The following TEFM variants were observed in gnomAD, a reference collection of about 807,000 sequenced individuals.
TEFM encodes transcription elongation factor, mitochondrial, also known as transcription elongation factor of mitochondria.
TEFM carries 14 observed loss-of-function variants against 23.0 expected under a neutral mutation model. The ratio of observed to expected loss-of-function variants is 0.61; its 90% CI spans 0.40 to 0.95. The LOEUF (loss-of-function observed/expected upper bound fraction) is 0.95. TEFM is among the 40% of genes least tolerant of loss of function. The pLI, the probability that TEFM is intolerant of heterozygous loss-of-function variation, is 0.00. For missense variants in TEFM, 386 were observed against 425.5 expected (o/e 0.91, Z 0.82); for synonymous variants, 155 against 158.3 (o/e 0.98, Z 0.16).
At position 30,901,522 on chromosome 17, in the gene TEFM, C is replaced by T. The variant is rs73265618; in HGVS notation, c.496-960G>A. Among the ~76,000 whole-genome samples the T allele has an allele frequency of 6.5e-3, 982 of 152,214 alleles. 11 individuals carry two copies. Among genetic ancestry groups the T allele is most frequent in the African/African-American group, 0.022 (919 of 41,538 alleles). Reference sequence around the variant, plus strand: ...GAGAGAAGTGGTCAGGGAAGGTTTACTGGAGGACTAGGAGAATGAGACAGT... The same window carrying T: ...GAGAGAAGTGGTCAGGGAAGGTTTATTGGAGGACTAGGAGAATGAGACAGT... On this transcript the variant is annotated intron_variant, in intron 2 of 3. Transcript: ENST00000581216.
intron 2 of TEFM, 51 bp downstream of exon 2, chr17:30,904,015 C>CT (rs771269732): frequency 1.1e-5 from 16 of 1,522,104 alleles, no homozygotes; most frequent in Middle Eastern, 1.8e-4. Context: ...AGAGTGCTTT[C>CT]TAGAGTAGGT....
intron 2 of TEFM, among the ~76,000 whole-genome samples, chr17:30,903,147 A>G (rs2142475550): frequency 6.6e-6 from 1 of 151,526 alleles, no homozygotes; most frequent in East Asian, 1.9e-4. Context: ...AAAAAAAAAA[A>G]AAAAAAAAAA....
intron 2 of TEFM, 32 bp from the exon 3 acceptor site, chr17:30,900,594 T>C (rs192843544): frequency 6.3e-7 from 1 of 1,588,554 alleles, no homozygotes; most frequent in African/African-American, 1.4e-5. Flanking sequence ...ATTAGAAGTA[T>C]AAACATTTTA....
chr17:30,899,299 G>A lies in TEFM; in HGVS notation c.953C>T (p.Pro318Leu). ...TCTGTAGTGAACTATTTTATCTGAT[G>A]GGAAGAACACCCGAGGATCCGCCTT... ...ILKADPRVFF[P>L]SDKIVHYRQM... Residue 318 changes from proline (P) to leucine (L), a missense_variant, in exon 4 of 4, where the codon CCA (proline) becomes CTA (leucine). Pro to Leu is a moderately conservative substitution (Grantham distance 98). Transcript: ENST00000581216. The A allele has an allele frequency of 6.2e-7, 1 of 1,614,136 alleles. No individual in the cohort carries two copies. Among genetic ancestry groups the A allele is most frequent in the Non-Finnish European group, 8.5e-7 (1 of 1,180,034 alleles).
At chr17:30,903,760 C>T (rs1910097492) in intron 2 of TEFM, among the ~76,000 whole-genome samples, 1 of 152,136 alleles carries the variant, frequency 6.6e-6, no homozygotes, top group African/African-American at 2.4e-5. Flanking sequence ...TTGCCTAGAC[C>T]TGCTTCTCAG....
Position 30,900,540 on chromosome 17 carries a change from A to T in TEFM, c.518T>A (p.Ile173Asn). 1 of 1,614,018 alleles carries T rather than the reference A, an allele frequency of 6.2e-7. No individual in the cohort carries two copies. Among genetic ancestry groups the T allele is most frequent in the Non-Finnish European group, 8.5e-7 (1 of 1,179,896 alleles). Residue 173 changes from isoleucine (I) to asparagine (N), a missense_variant, in exon 3 of 4, where the codon ATC becomes AAC. By Grantham distance (149) the Ile-to-Asn change is moderately radical. Transcript: ENST00000581216. ...GGCAATTCTTCGAGTACCAAAAACG[A>T]TAGATATGATACTATTAACTGCCTA... ...RLKAVNSIIS[I>N]VFGTRRIAWA...
chr17:30,900,402 A>C lies in TEFM; in HGVS notation c.645+11T>G. The C allele has an allele frequency of 6.2e-7, 1 of 1,613,522 alleles. No individual in the cohort carries two copies. Among genetic ancestry groups the C allele is most frequent in the Non-Finnish European group, 8.5e-7 (1 of 1,179,630 alleles). ...CTAGCAGGTAGGAATCTGGAGGTGC[A>C]ACTGCCTTACCTCTTCTAAATAGAC... is the stretch of plus-strand genomic sequence containing the variant. On this transcript the variant is annotated intron_variant, in intron 3 of 3. Coordinates refer to ENST00000581216, the MANE Select transcript of TEFM (RefSeq NM_024683.4).
At position 30,899,310 on chromosome 17, in the gene TEFM, C is replaced by G; in HGVS notation, c.942G>C (p.Arg314=). ...LFDSILKADP[R]VFFPSDKIVH... is the part of the protein sequence containing the mutation. ...CTATTTTATCTGATGGGAAGAACAC[C>G]CGAGGATCCGCCTTCAGTATAGAAT... Residue 314 remains arginine, a synonymous_variant, in exon 4 of 4, where the codon CGG becomes CGC. Coordinates refer to ENST00000581216, the MANE Select transcript of TEFM (RefSeq NM_024683.4). 6.2e-7 allele frequency: 1 copy of G among 1,614,084 alleles called. No individual in the cohort carries two copies. The highest frequency in any genetic ancestry group is 1.1e-5 in the South Asian group (1 of 91,076).
chr17:30,900,576 C>G lies in TEFM; in HGVS notation c.496-14G>C. The stretch of plus-strand genomic sequence containing the variant: ...ACTATTAACTGCCTAAAAGAAAAGA[C>G]TGATTTAATTAGAAGTATAAACATT... On this transcript the variant is annotated splice_polypyrimidine_tract_variant and intron_variant, in intron 2 of 3. Coordinates refer to ENST00000581216, the MANE Select transcript of TEFM (RefSeq NM_024683.4). The G allele has an allele frequency of 6.2e-7, 1 of 1,605,322 alleles. No individual in the cohort carries two copies. The highest frequency in any genetic ancestry group is 1.1e-5 in the South Asian group (1 of 90,548).
Position 30,899,553 on chromosome 17 carries a change from T to A in TEFM, c.699A>T (p.Lys233Asn). 2 of 1,600,586 alleles carry A rather than the reference T, an allele frequency of 1.2e-6. No individual in the cohort carries two copies. Among genetic ancestry groups the A allele is most frequent in the Non-Finnish European group, 1.7e-6 (2 of 1,172,290 alleles). The change falls in exon 4 of 4, where the codon AAA becomes AAT. Residue 233 changes from lysine (K) to asparagine (N), a missense_variant. Coordinates refer to ENST00000581216, the MANE Select transcript of TEFM (RefSeq NM_024683.4). Reference sequence around the variant, plus strand: ...ATGAGTTCTGAATGGAAAGTCCTGTTTTTTCCAGAACATAGAAATCTGCTT... The same window carrying A: ...ATGAGTTCTGAATGGAAAGTCCTGTATTTTCCAGAACATAGAAATCTGCTT... Reference protein sequence around the residue: ...MPKADFYVLEKTGLSIQNSSL... With the variant: ...MPKADFYVLENTGLSIQNSSL...
intron 2 of TEFM, among the ~76,000 whole-genome samples, chr17:30,901,482 C>T (rs893094786): frequency 2.6e-5 from 4 of 152,094 alleles, no homozygotes; most frequent in Non-Finnish European, 5.9e-5. Context: ...GAAATGCCAC[C>T]ATAAAACTAT....
intron 2 of TEFM, 119 bp from the exon 3 acceptor site, chr17:30,900,681 A>C: frequency 1.2e-6 from 1 of 810,932 alleles, no homozygotes; most frequent in Non-Finnish European, 1.9e-6. Flanking sequence ...AACTCACTAC[A>C]AGCTCCACCT....
chr17:30,905,316 T>C (rs1433331549), intron 1 of TEFM, among the ~76,000 whole-genome samples: 1 of 151,872 alleles, frequency 6.6e-6, no homozygotes, highest in Admixed American at 6.6e-5. Context: ...AGGTCGGGAG[T>C]TCGAGACCAG....
At chr17:30,904,672 G>C in intron 1 of TEFM, 143 bp from the exon 2 acceptor site, 2 of 618,610 alleles carry the variant, frequency 3.2e-6, no homozygotes, top group Non-Finnish European at 5.4e-6. Flanking sequence ...AATTGTCTTG[G>C]AGAATCATCT....
At position 30,904,330 on chromosome 17, in the gene TEFM, C is replaced by T. The variant is rs555841404; in HGVS notation, c.231G>A (p.Leu77=). Residue 77 remains leucine (L), a synonymous_variant, in exon 2 of 4, where the codon TTG becomes TTA. Coordinates refer to ENST00000581216, the MANE Select transcript of TEFM (RefSeq NM_024683.4). ...CAAGTTCTTTAGTAGATGCTGTATT[C>T]AACACATGCAAGATGGAAGCCTGCT... ...SEQQASILHV[L]NTASTKELEA... The T allele has an allele frequency of 6.2e-7, 1 of 1,614,176 alleles. No individual in the cohort carries two copies. The highest frequency in any genetic ancestry group is 2.2e-5 in the East Asian group (1 of 44,882).
chr17:30,906,097 T>TGAAGAGGAC (rs1910165158), intron 1 of TEFM, 71 bp downstream of exon 1: 3 of 1,412,110 alleles, frequency 2.1e-6, no homozygotes, highest in Admixed American at 2.0e-5. Context: ...CCTCCCGCCG[T>TGAAGAGGAC]ATTCCATTAG....
chr17:30,904,255 G>C lies in TEFM; in HGVS notation c.306C>G (p.His102Gln), dbSNP rs1567706565. ...RGRRSINIVE[H>Q]RENFGPFQNL... ...TCTGAAATGGCCCAAAGTTTTCTCT[G>C]TGCTCTACGATATTGATGGACCTTC... Residue 102 changes from histidine (H) to glutamine (Q), a missense_variant, in exon 2 of 4, where the codon CAC becomes CAG. His to Gln is a conservative substitution (Grantham distance 24). Transcript: ENST00000581216. 9.9e-6 allele frequency: 16 copies of C among 1,614,164 alleles called. No individual in the cohort carries two copies. Among genetic ancestry groups the C allele is most frequent in the African/African-American group, 1.3e-5 (1 of 75,032 alleles).
intron 3 of TEFM, 57 bp from the exon 4 acceptor site, chr17:30,899,663 G>T: frequency 8.2e-7 from 1 of 1,224,490 alleles, no homozygotes; most frequent in Admixed American, 2.6e-5. Flanking sequence ...TTTTATGTTT[G>T]GTCCCCTCTC....
Position 30,900,432 on chromosome 17 carries a change from G to T in TEFM, c.626C>A (p.Ser209Ter). 6.2e-7 allele frequency: 1 copy of T among 1,614,096 alleles called. No homozygotes were observed. Among genetic ancestry groups the T allele is most frequent in the South Asian group, 1.1e-5 (1 of 91,082 alleles). ...RWSLMRGIYS[S>*]SVYLEEISSI... ...CCTTACCTCTTCTAAATAGACTGAT[G>T]ATGAGTATATTCCTCTCATTAAACT... Residue 209 changes from serine (S) to a stop codon, truncating the protein, a stop_gained, in exon 3 of 4, where the codon TCA becomes TAA. Transcript: ENST00000581216. LOFTEE classifies it high-confidence loss of function.
Sources: allele counts gnomAD v4.1 joint callset (sites outside exome capture counted in the v4.1 genomes callset), GRCh38; gene constraint gnomAD v4.1.1; transcripts MANE v1.5; gene names NCBI Gene and HGNC (gene_info 2026-07-23, HGNC 2026-07-21).